KCND2: variants seen among roughly 807,000 people sequenced by gnomAD.
The protein encoded by KCND2 is potassium voltage-gated channel subfamily D member 2.
In KCND2, 16 loss-of-function variants were observed where a neutral mutation model predicts 54.4. The ratio of observed to expected loss-of-function variants is 0.29; its 90% CI spans 0.20 to 0.45. The LOEUF (loss-of-function observed/expected upper bound fraction) is 0.45, where lower values mean the gene tolerates loss of function less well. Among genes scored for constraint, KCND2 ranks in the 20% least tolerant of loss-of-function variants. The pLI, the probability that KCND2 is intolerant of heterozygous loss-of-function variation, is 1.00. For missense variants in KCND2, 486 were observed against 824.2 expected (o/e 0.59, Z 5.02); for synonymous variants, 317 against 310.7 (o/e 1.02, Z -0.21).
intron 1 of KCND2, among the ~76,000 whole-genome samples, chr7:120,279,331 T>G (rs1799227430): frequency 6.6e-6 from 1 of 151,920 alleles, no homozygotes; most frequent in Non-Finnish European, 1.5e-5. Flanking sequence ...TTATTACCAT[T>G]TAGACAATTT....
intron 1 of KCND2, among the ~76,000 whole-genome samples, chr7:120,316,986 CA>C (rs1799821603): frequency 6.6e-6 from 1 of 152,034 alleles, no homozygotes. Context: ...TAGGCGCATT[CA>C]ACGATGCCCA....
intron 2 of KCND2, 96 bp downstream of exon 2, chr7:120,733,161 G>A: frequency 8.1e-7 from 1 of 1,227,232 alleles, no homozygotes; most frequent in Non-Finnish European, 1.2e-6. Context: ...CTCTGGATTG[G>A]TCAGTAGTTG....
chr7:120,305,810 CATT>C (rs1799645927), intron 1 of KCND2, among the ~76,000 whole-genome samples: 1 of 152,126 alleles, frequency 6.6e-6, no homozygotes, highest in African/African-American at 2.4e-5. Flanking sequence ...CAACAGACTT[CATT>C]ATTGCTGACT....
chr7:120,451,126 C>T (rs1362318446), intron 1 of KCND2, among the ~76,000 whole-genome samples: 1 of 152,114 alleles, frequency 6.6e-6, no homozygotes, highest in Non-Finnish European at 1.5e-5. Flanking sequence ...AGTAGGATCC[C>T]TGGATCCCTG....
intron 2 of KCND2, among the ~76,000 whole-genome samples, chr7:120,736,480 A>G (rs1390980121): frequency 6.6e-6 from 1 of 152,072 alleles, no homozygotes; most frequent in Non-Finnish European, 1.5e-5. Context: ...AGAATGTATT[A>G]GCCAAAATAA....
chr7:120,590,435 A>G (rs1331004939), intron 1 of KCND2, among the ~76,000 whole-genome samples: 1 of 152,138 alleles, frequency 6.6e-6, no homozygotes, highest in African/African-American at 2.4e-5. Context: ...AATCCTTACC[A>G]AAGTCTGATT....
Position 120,619,643 on chromosome 7 carries a change from C to T in KCND2, c.1116-113260C>T, listed in dbSNP as rs1793073161. ...GCAGACACTTAAGACACTAGAAAAT[C>T]AACCACTGAGGTAATGAATAGTGTT... On this transcript the variant is annotated intron_variant, in intron 1 of 5. Coordinates refer to ENST00000331113, the MANE Select transcript of KCND2 (RefSeq NM_012281.3). Among the ~76,000 whole-genome samples the T allele has an allele frequency of 2.6e-5, 4 of 152,270 alleles. No homozygotes were observed. In the South Asian group the frequency reaches 8.3e-4, roughly 32 times the overall value.
intron 1 of KCND2, among the ~76,000 whole-genome samples, chr7:120,317,588 G>C (rs925987157): frequency 6.6e-6 from 1 of 152,086 alleles, no homozygotes; most frequent in African/African-American, 2.4e-5. Flanking sequence ...TACCTTATTA[G>C]TTACTAGTTA....
At chr7:120,737,932 AC>A (rs985961589) in intron 2 of KCND2, among the ~76,000 whole-genome samples, 2 of 151,896 alleles carry the variant, frequency 1.3e-5, no homozygotes, top group Non-Finnish European at 2.9e-5. Flanking sequence ...CCTTTAATCT[AC>A]CTCATACCTC....
At chr7:120,648,218 TA>T (rs1279191479) in intron 1 of KCND2, among the ~76,000 whole-genome samples, 1 of 152,036 alleles carries the variant, frequency 6.6e-6, no homozygotes, top group African/African-American at 2.4e-5. Context: ...TATTTATAAT[TA>T]AAAAGATGAT....
In KCND2 at chr7:120,609,823, A is replaced by G. The variant is rs76601042; in HGVS notation, c.1116-123080A>G. Among the ~76,000 whole-genome samples, 3 of 152,240 alleles carry G rather than the reference A, an allele frequency of 2.0e-5. No homozygotes were observed. The East Asian group carries it at 5.8e-4, about 29-fold the overall frequency. ...ACAGCTACAGCTGAGCTTTCAACCA[A>G]GTGTGGGGCTCTTCTAAGCACAGGG... On this transcript the variant is annotated intron_variant, in intron 1 of 5. Coordinates refer to ENST00000331113, the MANE Select transcript of KCND2 (RefSeq NM_012281.3).
At chr7:120,505,003 C>T (rs908620118) in intron 1 of KCND2, among the ~76,000 whole-genome samples, 1 of 151,372 alleles carries the variant, frequency 6.6e-6, no homozygotes, top group Non-Finnish European at 1.5e-5. Flanking sequence ...AATAAAGGGC[C>T]CAAACTCTGG....
chr7:120,572,233 G>T (rs1792375105), intron 1 of KCND2, among the ~76,000 whole-genome samples: 1 of 150,100 alleles, frequency 6.7e-6, no homozygotes, highest in African/African-American at 2.5e-5. Flanking sequence ...TAAAAATTGT[G>T]CAAAGGCCAT....
At chr7:120,567,274 C>G (rs1054052543) in intron 1 of KCND2, among the ~76,000 whole-genome samples, 1 of 152,142 alleles carries the variant, frequency 6.6e-6, no homozygotes, top group African/African-American at 2.4e-5. Flanking sequence ...TGTGGACAGT[C>G]ATATGTAATT....
chr7:120,523,813 T>TTA (rs67534337), intron 1 of KCND2, among the ~76,000 whole-genome samples: 9,306 of 148,026 alleles, frequency 0.063, 602 homozygotes, highest in African/African-American at 0.17. Flanking sequence ...TAAAATTTAT[T>TTA]TATATATATA....
At chr7:120,580,609 C>T (rs889676283) in intron 1 of KCND2, among the ~76,000 whole-genome samples, 1 of 152,174 alleles carries the variant, frequency 6.6e-6, no homozygotes, top group Non-Finnish European at 1.5e-5. Context: ...TCTTTTGATT[C>T]TTGAACACAT....
intron 1 of KCND2, among the ~76,000 whole-genome samples, chr7:120,563,074 C>A (rs1792254961): frequency 6.6e-6 from 1 of 151,804 alleles, no homozygotes; most frequent in African/African-American, 2.4e-5. Flanking sequence ...TATTTTAGAC[C>A]CTGATTAAGC....
Position 120,740,831 on chromosome 7 carries a change from AC to A in KCND2, c.1279-702del, listed in dbSNP as rs755643086. On this transcript the variant is annotated intron_variant, in intron 2 of 5. Coordinates refer to ENST00000331113, the MANE Select transcript of KCND2 (RefSeq NM_012281.3). ...ATTTCAGCCAGTTCAAGAGTGAAATACAAATCAGATGCACATACAGTCGTGC... is the reference window on the plus strand; with the variant it reads ...ATTTCAGCCAGTTCAAGAGTGAAATAAAATCAGATGCACATACAGTCGTGC... 9.9e-5 allele frequency: 45 copies of A among 456,218 alleles called. No individual in the cohort carries two copies. In the East Asian group the frequency reaches 3.1e-3, roughly 31 times the overall value. The allele number at this position is 456,218 out of a possible 1,614,324, so 28.3% of individuals were successfully genotyped here.
chr7:120,429,341 G>A (rs1262157832), intron 1 of KCND2, among the ~76,000 whole-genome samples: 2 of 152,110 alleles, frequency 1.3e-5, no homozygotes, highest in Admixed American at 1.3e-4. Context: ...ACAAAAAACA[G>A]TTCACTTAAC....
Sources: allele counts gnomAD v4.1 joint callset (sites outside exome capture counted in the v4.1 genomes callset), GRCh38; gene constraint gnomAD v4.1.1; transcripts MANE v1.5; gene names NCBI Gene and HGNC (gene_info 2026-07-23, HGNC 2026-07-21).